Variants in HIVEP3 observed in about 807,000 individuals in gnomAD.
HIVEP3 encodes the protein transcription factor HIVEP3.
A neutral mutation model predicts 152.8 loss-of-function variants in HIVEP3; 49 were observed. The observed-to-expected ratio is 0.32, with a 90% confidence interval of 0.26 to 0.41. The LOEUF is 0.41. HIVEP3 is among the 10% of genes least tolerant of loss of function. The pLI is 1.00. For synonymous variants in HIVEP3, 1,269 were observed against 1,289.0 expected (o/e 0.98, Z 0.33); for missense variants, 2,790 against 3,103.3 (o/e 0.90, Z 2.40).
rs1037533611 is a variant in HIVEP3 at position 41,954,735 on chromosome 1, G to C, written n.120-36211C>G. Among the ~76,000 whole-genome samples the C allele has an allele frequency of 3.9e-5, 6 of 152,248 alleles. No individual in the cohort carries two copies. In the South Asian group the frequency reaches 6.2e-4, roughly 16 times the overall value. The stretch of plus-strand genomic sequence containing the variant: ...CAGTCAGGCCAGGGTCTGAACTCCA[G>C]CTCCTCTGCCTACAGGCTGTGGCCC... On this transcript the variant is annotated intron_variant and non_coding_transcript_variant, in intron 1 of 3. Transcript: ENST00000489103.
chr1:41,545,264 TAC>T (rs1643728162), intron 5 of HIVEP3, among the ~76,000 whole-genome samples: 1 of 38,742 alleles, frequency 2.6e-5, no homozygotes, highest in Non-Finnish European at 5.6e-5. Context: ...CTACCACCAC[TAC>T]CACCACCATC....
chr1:41,556,477 TG>T (rs1402324179), intron 5 of HIVEP3, among the ~76,000 whole-genome samples: 1 of 152,234 alleles, frequency 6.6e-6, no homozygotes, highest in Non-Finnish European at 1.5e-5. Flanking sequence ...ATTGGGTTTT[TG>T]GATTGAGGTT....
chr1:41,625,036 G>A (rs1645096814), intron 3 of HIVEP3, among the ~76,000 whole-genome samples: 1 of 151,870 alleles, frequency 6.6e-6, no homozygotes, highest in Non-Finnish European at 1.5e-5. Flanking sequence ...GGTGGCATGC[G>A]CCTGTAAGCC....
intron 1 of HIVEP3, among the ~76,000 whole-genome samples, chr1:41,973,145 C>T (rs548516414): frequency 6.6e-6 from 1 of 152,138 alleles, no homozygotes; most frequent in South Asian, 2.1e-4. Context: ...GAGTAAGGGA[C>T]CTTGGTAAGG....
At chr1:41,910,854 TA>T (rs1180425232) in intron 1 of HIVEP3, among the ~76,000 whole-genome samples, 1 of 151,980 alleles carries the variant, frequency 6.6e-6, no homozygotes, top group Non-Finnish European at 1.5e-5. Context: ...CTTATCCTAA[TA>T]AGGAATATCA....
intron 2 of HIVEP3, among the ~76,000 whole-genome samples, chr1:41,677,493 G>A (rs143038841): frequency 1.3e-5 from 2 of 152,340 alleles, no homozygotes; most frequent in African/African-American, 2.4e-5. Flanking sequence ...GGGTAGTGAT[G>A]CCTACCTCAA....
intron 3 of HIVEP3, among the ~76,000 whole-genome samples, chr1:41,619,716 C>T (rs926009927): frequency 6.6e-6 from 1 of 152,100 alleles, no homozygotes; most frequent in Admixed American, 6.5e-5. Context: ...AGAGCCAGGG[C>T]TCCAGGGAGG....
intron 1 of HIVEP3, among the ~76,000 whole-genome samples, chr1:41,877,514 A>G (rs1385738811): frequency 1.3e-5 from 2 of 152,226 alleles, no homozygotes; most frequent in African/African-American, 4.8e-5. Context: ...TTGTATTTGC[A>G]GAGTCACTCC....
intron 1 of HIVEP3, among the ~76,000 whole-genome samples, chr1:41,876,732 T>C (rs370848871): frequency 1.3e-5 from 2 of 152,316 alleles, no homozygotes; most frequent in East Asian, 3.9e-4. Context: ...TGGAAAACTA[T>C]CCCACTCCAG....
chr1:41,769,284 C>G (rs979689760), intron 1 of HIVEP3, among the ~76,000 whole-genome samples: 31 of 152,188 alleles, frequency 2.0e-4, no homozygotes, highest in African/African-American at 7.5e-4. Flanking sequence ...GCCAACCCTA[C>G]GGGGGGTTAG....
At chr1:41,640,722 A>T (rs1246006383) in intron 2 of HIVEP3, among the ~76,000 whole-genome samples, 1 of 152,176 alleles carries the variant, frequency 6.6e-6, no homozygotes, top group Non-Finnish European at 1.5e-5. Flanking sequence ...AGAACCCAAC[A>T]TTTGTTGAGT....
intron 1 of HIVEP3, among the ~76,000 whole-genome samples, chr1:41,787,910 AG>A (rs983228418): frequency 5.3e-5 from 8 of 152,148 alleles, no homozygotes; most frequent in African/African-American, 1.9e-4. Context: ...ATATGTGGGG[AG>A]GGGGGTGTGG....
chr1:41,913,268 G>A (rs1429237477), intron 1 of HIVEP3, among the ~76,000 whole-genome samples: 3 of 152,182 alleles, frequency 2.0e-5, no homozygotes, highest in Non-Finnish European at 4.4e-5. Context: ...GCAAACTTGG[G>A]GATTTGCCAA....
chr1:41,888,741 C>T (rs1367257203), intron 1 of HIVEP3, among the ~76,000 whole-genome samples: 7 of 107,900 alleles, frequency 6.5e-5, no homozygotes, highest in African/African-American at 2.5e-4. Flanking sequence ...CACACACATG[C>T]CCCCCACACC....
At chr1:41,734,504 C>T (rs951162004) in intron 1 of HIVEP3, among the ~76,000 whole-genome samples, 1 of 152,244 alleles carries the variant, frequency 6.6e-6, no homozygotes, top group African/African-American at 2.4e-5. Flanking sequence ...AAGCATTTCA[C>T]TGACTGATTC....
chr1:41,959,868 C>T (rs1307880429), intron 1 of HIVEP3, among the ~76,000 whole-genome samples: 3 of 152,132 alleles, frequency 2.0e-5, no homozygotes, highest in African/African-American at 7.2e-5. Context: ...GCTTTAGGCT[C>T]TTCATTCTAA....
At chr1:41,758,300 T>C (rs1305499559) in intron 1 of HIVEP3, among the ~76,000 whole-genome samples, 1 of 152,166 alleles carries the variant, frequency 6.6e-6, no homozygotes, top group Non-Finnish European at 1.5e-5. Context: ...GCCAGAGAGA[T>C]GATAGAATGA....
At chr1:41,682,038 G>C (rs1392379832) in intron 2 of HIVEP3, among the ~76,000 whole-genome samples, 1 of 151,892 alleles carries the variant, frequency 6.6e-6, no homozygotes, top group Non-Finnish European at 1.5e-5. Context: ...CTTCCCCAAG[G>C]GTCTCCGCGG....
At chr1:41,599,927 CA>C (rs1644721690) in intron 3 of HIVEP3, among the ~76,000 whole-genome samples, 1 of 151,974 alleles carries the variant, frequency 6.6e-6, no homozygotes, top group African/African-American at 2.4e-5. Flanking sequence ...GACGTTTCTC[CA>C]AAGAAGATCT....
Sources: gnomAD v4.1 joint callset for allele counts (sites outside exome capture counted in the v4.1 genomes callset) on GRCh38, gnomAD v4.1.1 for gene constraint, MANE v1.5 for transcripts, NCBI Gene and HGNC (gene_info 2026-07-23, HGNC 2026-07-21) for gene names.